LDHC: variants seen among roughly 807,000 people sequenced by gnomAD.
LDHC encodes lactate dehydrogenase C.
LDHC carries 20 observed loss-of-function variants against 30.2 expected under a neutral mutation model. That is an observed-to-expected ratio of 0.66 (90% CI 0.47 to 0.96). The LOEUF (loss-of-function observed/expected upper bound fraction) is 0.96. Ranked by LOEUF, LDHC falls within the 40% of genes least tolerant of loss-of-function variation. The probability of loss-of-function intolerance (pLI) is 0.00; values close to 1 mark genes in which losing one functional copy is unlikely to be tolerated. For synonymous variants in LDHC, 139 were observed against 132.7 expected (o/e 1.05, Z -0.32); for missense variants, 362 against 394.9 (o/e 0.92, Z 0.71).
Position 18,417,257 on chromosome 11 carries a change from C to T in LDHC, c.244+1956C>T, listed in dbSNP as rs149200102. The stretch of plus-strand genomic sequence containing the variant: ...TCCTGGGCTGAAGGGGTCCTCCTGC[C>T]TCAGCCTGGCAAGTACCTGGAACAA... On this transcript the variant is annotated intron_variant, in intron 3 of 7. Coordinates refer to ENST00000541669, the MANE Select transcript of LDHC (RefSeq NM_017448.5). Among the ~76,000 whole-genome samples the T allele has an allele frequency of 8.5e-3, 1,288 of 152,332 alleles. 15 individuals are homozygous for T. Among genetic ancestry groups the T allele is most frequent in the African/African-American group, 0.03 (1,235 of 41,568 alleles).
chr11:18,429,209 T>G (rs995237684), intron 3 of LDHC, among the ~76,000 whole-genome samples: 1 of 144,540 alleles, frequency 6.9e-6, no homozygotes, highest in Admixed American at 7.4e-5. Flanking sequence ...GCCTCCCAGG[T>G]TCAAGCGATT....
chr11:18,445,538 A>C (rs1459486521), intron 6 of LDHC, among the ~76,000 whole-genome samples: 2 of 152,180 alleles, frequency 1.3e-5, no homozygotes, highest in African/African-American at 4.8e-5. Flanking sequence ...TTATATGGTA[A>C]CTTTCAAGGT....
At chr11:18,438,293 A>G (rs1028601236) in intron 5 of LDHC, among the ~76,000 whole-genome samples, 1 of 152,116 alleles carries the variant, frequency 6.6e-6, no homozygotes, top group Non-Finnish European at 1.5e-5. Context: ...ATGAACTTAG[A>G]GTGAAGACTC....
intron 3 of LDHC, among the ~76,000 whole-genome samples, chr11:18,429,056 C>T (rs1346435232): frequency 2.0e-5 from 3 of 150,892 alleles, no homozygotes; most frequent in African/African-American, 7.3e-5. Context: ...TACATTCTCA[C>T]TCTTAGACTC....
chr11:18,414,252 T>C (rs1042563686), intron 2 of LDHC, among the ~76,000 whole-genome samples: 2 of 152,226 alleles, frequency 1.3e-5, no homozygotes, highest in Admixed American at 6.5e-5. Flanking sequence ...TGTCCACTTA[T>C]GAACTGATTT....
At position 18,438,604 on chromosome 11, in the gene LDHC, T is replaced by G. The variant is rs202072443; in HGVS notation, c.669T>G (p.Asp223Glu). Residue 223 changes from aspartate to glutamate, a missense_variant, in exon 6 of 8, where the codon GAT (aspartate) becomes GAG (glutamate). Physicochemically the swap from Asp to Glu is conservative, Grantham distance 45 (BLOSUM62 2). Transcript: ENST00000541669. ...ACCCTAAATTAGGAACGGATTCAGATAAGGAACACTGGAAAAATATCCATA... is the reference window on the plus strand; with the variant it reads ...ACCCTAAATTAGGAACGGATTCAGAGAAGGAACACTGGAAAAATATCCATA... ...TLDPKLGTDS[D>E]KEHWKNIHKQ... is the part of the protein sequence containing the mutation. 1.2e-4 allele frequency: 196 copies of G among 1,611,722 alleles called. 1 individual carries two copies. The highest frequency in any genetic ancestry group is 1.7e-5 in the Non-Finnish European group (20 of 1,177,984).
At chr11:18,416,757 C>T (rs1349414668) in intron 3 of LDHC, among the ~76,000 whole-genome samples, 1 of 149,794 alleles carries the variant, frequency 6.7e-6, no homozygotes, top group East Asian at 2.0e-4. Context: ...CATTTCATTC[C>T]TCCTTTCCTC....
intron 7 of LDHC, among the ~76,000 whole-genome samples, chr11:18,449,305 T>A (rs1365119866): frequency 6.6e-6 from 1 of 150,888 alleles, no homozygotes; most frequent in Non-Finnish European, 1.5e-5. Flanking sequence ...CCAGGCATGG[T>A]GGTGTGTGCT....
At chr11:18,416,400 T>G (rs936018628) in intron 3 of LDHC, among the ~76,000 whole-genome samples, 1 of 152,186 alleles carries the variant, frequency 6.6e-6, no homozygotes, top group Non-Finnish European at 1.5e-5. Flanking sequence ...GAAACATAAT[T>G]ATTTTATCAT....
At chr11:18,425,830 C>T (rs1296136427) in intron 3 of LDHC, among the ~76,000 whole-genome samples, 1 of 151,924 alleles carries the variant, frequency 6.6e-6, no homozygotes, top group East Asian at 2.0e-4. Flanking sequence ...GTCCCAGCTA[C>T]TCAGGAGGGC....
At chr11:18,429,116 C>CTTTTTTTTTTTTTT (rs36038254) in intron 3 of LDHC, among the ~76,000 whole-genome samples, 1 of 93,924 alleles carries the variant, frequency 1.1e-5, no homozygotes, top group Non-Finnish European at 1.9e-5. Context: ...TCATTTTGGT[C>CTTTTTTTTTTTTTT]TTTTTTTTTT....
intron 7 of LDHC, 121 bp from the exon 8 acceptor site, chr11:18,450,842 C>A: frequency 1.5e-6 from 1 of 667,974 alleles, no homozygotes; most frequent in Non-Finnish European, 2.5e-6. Context: ...CACTCTGCCA[C>A]CCTCTGAGCG....
chr11:18,421,286 C>A (rs1225757319), intron 3 of LDHC, among the ~76,000 whole-genome samples: 1 of 151,980 alleles, frequency 6.6e-6, no homozygotes, highest in East Asian at 2.0e-4. Context: ...AACTCCTGAC[C>A]TCAGGTGGTC....
chr11:18,420,354 A>G (rs768152736), intron 3 of LDHC, among the ~76,000 whole-genome samples: 17 of 152,212 alleles, frequency 1.1e-4, no homozygotes, highest in Non-Finnish European at 2.4e-4. Flanking sequence ...CCCTACCTGG[A>G]CATATTCTTG....
At position 18,429,737 on chromosome 11, in the gene LDHC, A is replaced by T. The variant is rs930685372; in HGVS notation, c.245A>T (p.Asp82Val). 5 of 1,587,444 alleles carry T rather than the reference A, an allele frequency of 3.1e-6. No individual in the cohort carries two copies. The highest frequency in any genetic ancestry group is 1.7e-5 in the Admixed American group (1 of 58,266). ...ATATAGTATTTTGTTTCCTTTTTAGATTACAGTGTATCTGCAAACTCCAGA... is the reference window on the plus strand; with the variant it reads ...ATATAGTATTTTGTTTCCTTTTTAGTTTACAGTGTATCTGCAAACTCCAGA... ...FSTSKITSGKDYSVSANSRIV... is the reference protein window; with the variant it reads ...FSTSKITSGKVYSVSANSRIV... The change falls in exon 4 of 8, where the codon GAT (aspartate) becomes GTT (valine). Residue 82 changes from aspartate (D) to valine (V), a missense_variant and splice_region_variant. Physicochemically the swap from Asp to Val is radical, Grantham distance 152. Coordinates refer to ENST00000541669, the MANE Select transcript of LDHC (RefSeq NM_017448.5).
At chr11:18,431,623 A>G (rs1848266158) in intron 4 of LDHC, among the ~76,000 whole-genome samples, 1 of 152,074 alleles carries the variant, frequency 6.6e-6, no homozygotes. Context: ...TTGGCTCACC[A>G]CAATCTCCTT....
chr11:18,442,339 A>T (rs1167612526), intron 6 of LDHC, among the ~76,000 whole-genome samples: 1 of 152,156 alleles, frequency 6.6e-6, no homozygotes, highest in African/African-American at 2.4e-5. Flanking sequence ...GGCTTTTTCG[A>T]AAGGGCTCAA....
intron 4 of LDHC, among the ~76,000 whole-genome samples, chr11:18,431,832 G>C (rs1038896514): frequency 6.6e-6 from 1 of 152,194 alleles, no homozygotes; most frequent in Non-Finnish European, 1.5e-5. Flanking sequence ...TTACAGGTGT[G>C]AGCCACTGCA....
chr11:18,443,938 T>C (rs1274933286), intron 6 of LDHC, among the ~76,000 whole-genome samples: 1 of 152,224 alleles, frequency 6.6e-6, no homozygotes, highest in Non-Finnish European at 1.5e-5. Flanking sequence ...CTCTTGATCA[T>C]TTAGCAGAGG....
Sources: gnomAD v4.1 joint callset for allele counts (sites outside exome capture counted in the v4.1 genomes callset) on GRCh38, gnomAD v4.1.1 for gene constraint, MANE v1.5 for transcripts, NCBI Gene and HGNC (gene_info 2026-07-23, HGNC 2026-07-21) for gene names.